Variants in PCDH9 observed in about 807,000 individuals in gnomAD.
PCDH9 encodes protocadherin 9, also known as protocadherin-9.
A neutral mutation model predicts 70.6 loss-of-function variants in PCDH9; 24 were observed. That is an observed-to-expected ratio of 0.34 (90% confidence interval 0.25 to 0.48). The LOEUF (loss-of-function observed/expected upper bound fraction) is 0.48. PCDH9 is among the 20% of genes least tolerant of loss of function. The pLI, the probability that PCDH9 is intolerant of heterozygous loss-of-function variation, is 0.99. For synonymous variants in PCDH9, 562 were observed against 558.5 expected (o/e 1.01, Z -0.09); for missense variants, 1,281 against 1,503.6 (o/e 0.85, Z 2.45).
At chr13:67,154,929 T>C (rs1369203607) in intron 2 of PCDH9, among the ~76,000 whole-genome samples, 1 of 151,938 alleles carries the variant, frequency 6.6e-6, no homozygotes, top group Non-Finnish European at 1.5e-5. Flanking sequence ...GTCAGTCTGG[T>C]CTCGAACTCC....
intron 2 of PCDH9, chr13:67,222,995 C>T (rs2089766268): frequency 6.6e-6 from 1 of 152,154 alleles, no homozygotes; most frequent in Non-Finnish European, 1.5e-5. Context: ...TTTTCTCCAA[C>T]ATCACACTAT....
intron 2 of PCDH9, among the ~76,000 whole-genome samples, chr13:66,970,626 GAAA>G (rs767546503): frequency 3.7e-5 from 2 of 53,414 alleles, no homozygotes; most frequent in African/African-American, 7.1e-5. Context: ...GACCCTGTCT[GAAA>G]AAAAAAAAAA....
At chr13:67,070,880 G>A (rs1299539566) in intron 2 of PCDH9, among the ~76,000 whole-genome samples, 1 of 151,930 alleles carries the variant, frequency 6.6e-6, no homozygotes, top group African/African-American at 2.4e-5. Flanking sequence ...GCAGATTCTT[G>A]CCCCACCTTC....
chr13:66,724,997 C>G (rs932940757), intron 3 of PCDH9, among the ~76,000 whole-genome samples: 3 of 152,178 alleles, frequency 2.0e-5, no homozygotes, highest in Non-Finnish European at 2.9e-5. Context: ...TATCATATCT[C>G]TAGCCCATAA....
At chr13:67,104,559 T>C (rs1446450835) in intron 2 of PCDH9, among the ~76,000 whole-genome samples, 1 of 152,182 alleles carries the variant, frequency 6.6e-6, no homozygotes, top group Non-Finnish European at 1.5e-5. Context: ...ACAATTTTTT[T>C]TTTTTTTGAG....
At chr13:67,061,675 T>G (rs1367153065) in intron 2 of PCDH9, among the ~76,000 whole-genome samples, 2 of 152,128 alleles carry the variant, frequency 1.3e-5, no homozygotes, top group Non-Finnish European at 2.9e-5. Flanking sequence ...CCCCTTCATG[T>G]CTCTTACCCC....
At chr13:66,519,462 C>G (rs867468104) in intron 4 of PCDH9, among the ~76,000 whole-genome samples, 1 of 152,020 alleles carries the variant, frequency 6.6e-6, no homozygotes, top group Non-Finnish European at 1.5e-5. Flanking sequence ...TAATCTCAGG[C>G]CTGCTTCTAA....
chr13:66,811,833 T>G (rs2080514119), intron 3 of PCDH9, among the ~76,000 whole-genome samples: 2 of 151,888 alleles, frequency 1.3e-5, no homozygotes, highest in African/African-American at 4.8e-5. Context: ...TTTCTTTCTT[T>G]TCCTTGGTTA....
At chr13:66,306,596 A>G (rs2138054097) in intron 4 of PCDH9, among the ~76,000 whole-genome samples, 1 of 151,676 alleles carries the variant, frequency 6.6e-6, no homozygotes, top group Non-Finnish European at 1.5e-5. Flanking sequence ...GCTGAAATGC[A>G]CTATTTCATA....
intron 3 of PCDH9, among the ~76,000 whole-genome samples, chr13:66,728,360 G>A (rs2079032023): frequency 6.6e-6 from 1 of 152,052 alleles, no homozygotes; most frequent in Non-Finnish European, 1.5e-5. Flanking sequence ...TGACTAATTA[G>A]GAAGGTATTC....
intron 4 of PCDH9, among the ~76,000 whole-genome samples, chr13:66,531,293 G>T (rs1960442639): frequency 6.6e-6 from 1 of 151,986 alleles, no homozygotes; most frequent in Non-Finnish European, 1.5e-5. Context: ...CTGGGAGGAT[G>T]CATCGCTTTA....
At chr13:66,916,244 G>T (rs9571691) in intron 2 of PCDH9, among the ~76,000 whole-genome samples, 60,701 of 151,194 alleles carry the variant, frequency 0.4, 13,408 homozygotes, top group African/African-American at 0.6. Flanking sequence ...AAGTACCTTT[G>T]AACTCTGCTC....
chr13:66,609,954 C>CT (rs11333407), intron 4 of PCDH9, among the ~76,000 whole-genome samples: 2,788 of 117,096 alleles, frequency 0.024, 52 homozygotes, highest in Non-Finnish European at 0.035. Flanking sequence ...GCATTTCCTT[C>CT]TTTTTTTTTT....
At chr13:66,395,327 G>T (rs1378705105) in intron 4 of PCDH9, among the ~76,000 whole-genome samples, 2 of 152,196 alleles carry the variant, frequency 1.3e-5, no homozygotes, top group African/African-American at 4.8e-5. Flanking sequence ...GTTTGGCCGG[G>T]CGTGGTGGCT....
At chr13:66,773,209 G>A (rs1352559529) in intron 3 of PCDH9, among the ~76,000 whole-genome samples, 1 of 152,176 alleles carries the variant, frequency 6.6e-6, no homozygotes, top group East Asian at 1.9e-4. Flanking sequence ...TTCCTTCAAC[G>A]GAAGAAATGT....
intron 3 of PCDH9, among the ~76,000 whole-genome samples, chr13:66,864,953 C>T (rs1566250263): frequency 6.6e-6 from 1 of 152,126 alleles, no homozygotes; most frequent in South Asian, 2.1e-4. Flanking sequence ...GCAGGAAAGA[C>T]GAGAACTACA....
intron 3 of PCDH9, among the ~76,000 whole-genome samples, chr13:66,712,455 T>G (rs1009382895): frequency 2.7e-4 from 41 of 152,118 alleles, no homozygotes; most frequent in Non-Finnish European, 1.2e-4. Context: ...TATATGCAAA[T>G]GGAAGAATTA....
At chr13:66,369,908 A>G (rs1956615826) in intron 4 of PCDH9, among the ~76,000 whole-genome samples, 1 of 152,168 alleles carries the variant, frequency 6.6e-6, no homozygotes, top group South Asian at 2.1e-4. Context: ...TTCCCCAGAA[A>G]GCAGTGGAAG....
intron 2 of PCDH9, among the ~76,000 whole-genome samples, chr13:66,904,329 C>T (rs112613340): frequency 3.9e-5 from 6 of 152,022 alleles, no homozygotes; most frequent in African/African-American, 1.4e-4. Flanking sequence ...TTTCCATATT[C>T]CTCACACAAC....
Sources: gnomAD v4.1 joint callset for allele counts (sites outside exome capture counted in the v4.1 genomes callset) on GRCh38, gnomAD v4.1.1 for gene constraint, MANE v1.5 for transcripts, NCBI Gene and HGNC (gene_info 2026-07-23, HGNC 2026-07-21) for gene names.